The following LRFN5 variants were observed in gnomAD, a reference collection of about 807,000 sequenced individuals.
LRFN5 encodes the protein leucine-rich repeat and fibronectin type-III domain-containing protein 5.
LRFN5 carries 24 observed loss-of-function variants against 45.6 expected under a neutral mutation model. The ratio of observed to expected loss-of-function variants is 0.53; its 90% CI spans 0.38 to 0.74. The LOEUF (loss-of-function observed/expected upper bound fraction) is 0.74, where lower values mean the gene tolerates loss of function less well. LRFN5 is among the 30% of genes least tolerant of loss of function. The probability of loss-of-function intolerance (pLI) is 0.00; values close to 1 mark genes in which losing one functional copy is unlikely to be tolerated. For missense variants in LRFN5, 776 were observed against 861.5 expected, an observed-to-expected ratio of 0.90 and a Z score of 1.24; for synonymous variants, 340 against 313.8, an observed-to-expected ratio of 1.08 and a Z score of -0.88.
intron 1 of LRFN5, among the ~76,000 whole-genome samples, chr14:41,629,175 A>G (rs967625482): frequency 1.3e-5 from 2 of 152,218 alleles, no homozygotes; most frequent in Non-Finnish European, 2.9e-5. Context: ...TTTAGATCAT[A>G]TATACTGCTC....
intron 2 of LRFN5, among the ~76,000 whole-genome samples, chr14:41,872,042 CT>C (rs1890038218): frequency 6.6e-6 from 1 of 152,064 alleles, no homozygotes; most frequent in Non-Finnish European, 1.5e-5. Flanking sequence ...TCTCTCCTAT[CT>C]AAGTTACTAT....
At chr14:41,695,430 T>A (rs144887039) in intron 1 of LRFN5, among the ~76,000 whole-genome samples, 2 of 152,084 alleles carry the variant, frequency 1.3e-5, no homozygotes, top group East Asian at 3.9e-4. Flanking sequence ...TACCTTCTAT[T>A]GGAAAAAGAG....
chr14:41,834,777 C>T (rs112034411), intron 2 of LRFN5, among the ~76,000 whole-genome samples: 1,967 of 152,114 alleles, frequency 0.013, 25 homozygotes, highest in Non-Finnish European at 0.017. Flanking sequence ...ATCCTCCCAC[C>T]TCAGCCACCT....
intron 2 of LRFN5, among the ~76,000 whole-genome samples, chr14:41,767,354 G>T: frequency 6.6e-6 from 1 of 151,850 alleles, no homozygotes; most frequent in Non-Finnish European, 1.5e-5. Context: ...GTTTGCAAAT[G>T]AATAAAAAGG....
intron 2 of LRFN5, among the ~76,000 whole-genome samples, chr14:41,837,194 C>CAAAAAAAAA (rs5808157): frequency 4.0e-5 from 3 of 75,404 alleles, no homozygotes; most frequent in Non-Finnish European, 5.0e-5. Context: ...ACACACTCCA[C>CAAAAAAAAA]AAAAAAAAAA....
rs1054464566 is a variant in LRFN5, at chr14:41,891,822, C to G, written c.1958C>G (p.Thr653Arg). The change falls in exon 4 of 6, where the codon ACA (threonine) becomes AGA (arginine). Residue 653 changes from threonine to arginine, a missense_variant. Transcript: ENST00000298119. ...AGAAAGACTGGCACAAAGCCAAGTACAGAACCACAGAATGAAGCCGTCACA... is the reference window on the plus strand; with the variant it reads ...AGAAAGACTGGCACAAAGCCAAGTAGAGAACCACAGAATGAAGCCGTCACA... ...QKRKTGTKPS[T>R]EPQNEAVTNV... 1 of 1,614,022 alleles carries G rather than the reference C, an allele frequency of 6.2e-7. No individual in the cohort carries two copies. The highest frequency in any genetic ancestry group is 8.5e-7 in the Non-Finnish European group (1 of 1,180,038).
chr14:41,651,281 G>A (rs547036524), intron 1 of LRFN5, among the ~76,000 whole-genome samples: 17 of 152,118 alleles, frequency 1.1e-4, no homozygotes, highest in Middle Eastern at 3.4e-3. Context: ...AAAAATGCCC[G>A]GTCACTCAGC....
intron 1 of LRFN5, among the ~76,000 whole-genome samples, chr14:41,748,914 A>G (rs1222683351): frequency 6.6e-6 from 1 of 151,580 alleles, no homozygotes; most frequent in African/African-American, 2.4e-5. Flanking sequence ...ATATATATAT[A>G]TAAATTTATT....
intron 1 of LRFN5, among the ~76,000 whole-genome samples, chr14:41,738,250 A>G (rs1884532293): frequency 6.6e-6 from 1 of 152,198 alleles, no homozygotes; most frequent in Admixed American, 6.5e-5. Context: ...TGGAGAAATG[A>G]TTCCCTATAT....
chr14:41,902,913 G>C (rs1342252518), intron 5 of LRFN5, among the ~76,000 whole-genome samples: 3 of 151,462 alleles, frequency 2.0e-5, no homozygotes, highest in Non-Finnish European at 4.4e-5. Context: ...GAAGAATTTA[G>C]TAATATATAC....
rs112875360 is a variant in LRFN5 at position 41,711,929 on chromosome 14, T to A, written c.-196-54925T>A. Among the ~76,000 whole-genome samples, 1,061 of 152,308 alleles carry A rather than the reference T, an allele frequency of 7.0e-3. 19 individuals are homozygous for A. Among genetic ancestry groups the A allele is most frequent in the African/African-American group, 0.025 (1,024 of 41,580 alleles). ...GAATCAAAATGATGCTTAGGAATTG[T>A]ATACTATGAAAAATTGCCATGAGGA... On this transcript the variant is annotated intron_variant, in intron 1 of 5. Coordinates refer to ENST00000298119, the MANE Select transcript of LRFN5 (RefSeq NM_152447.5).
At chr14:41,784,659 C>T (rs918112158) in intron 2 of LRFN5, among the ~76,000 whole-genome samples, 3 of 151,810 alleles carry the variant, frequency 2.0e-5, no homozygotes, top group Admixed American at 6.6e-5. Context: ...GACAGAGTCT[C>T]GCTCTGTCAC....
chr14:41,753,451 G>A (rs1309494842), intron 1 of LRFN5, among the ~76,000 whole-genome samples: 4 of 152,012 alleles, frequency 2.6e-5, no homozygotes, highest in African/African-American at 4.8e-5. Flanking sequence ...TTGAGCAGTG[G>A]TTTGTAGTTC....
intron 1 of LRFN5, among the ~76,000 whole-genome samples, chr14:41,657,806 G>A (rs901283745): frequency 2.0e-5 from 3 of 151,788 alleles, no homozygotes; most frequent in Admixed American, 1.3e-4. Flanking sequence ...CTGTGGAATT[G>A]TTGGTGAACC....
intron 1 of LRFN5, among the ~76,000 whole-genome samples, chr14:41,716,059 A>C (rs937762658): frequency 6.6e-6 from 1 of 152,156 alleles, no homozygotes; most frequent in Non-Finnish European, 1.5e-5. Flanking sequence ...CTTGCACCCT[A>C]TGAAGCCACG....
chr14:41,873,549 C>T lies in LRFN5; in HGVS notation c.-20-13057C>T, dbSNP rs142885858. On this transcript the variant is annotated intron_variant, in intron 2 of 5. Transcript: ENST00000298119. ...ACTGCCGGAACTTTCCACCCACACA[C>T]ATTCTTGGTATTTATACCCTCAGTA... 3.7e-3 allele frequency among the ~76,000 whole-genome samples: 558 copies of T among 152,172 alleles called. 1 individual carries two copies. Among genetic ancestry groups the T allele is most frequent in the Non-Finnish European group, 6.5e-3 (444 of 67,986 alleles).
At chr14:41,862,541 A>G (rs1465824769) in intron 2 of LRFN5, among the ~76,000 whole-genome samples, 1 of 152,124 alleles carries the variant, frequency 6.6e-6, no homozygotes, top group African/African-American at 2.4e-5. Flanking sequence ...TTTAGTGCCT[A>G]TGAGCATGCA....
intron 2 of LRFN5, among the ~76,000 whole-genome samples, chr14:41,883,880 A>G (rs1466641935): frequency 6.6e-6 from 1 of 152,184 alleles, no homozygotes; most frequent in African/African-American, 2.4e-5. Flanking sequence ...ATTTCTGCCT[A>G]ACAGCATTCT....
intron 2 of LRFN5, among the ~76,000 whole-genome samples, chr14:41,810,808 C>G (rs185704640): frequency 1.1e-4 from 17 of 152,128 alleles, no homozygotes; most frequent in Non-Finnish European, 2.4e-4. Context: ...TTAATGCTGT[C>G]TTTTCTGTAC....
Sources: allele counts gnomAD v4.1 joint callset (sites outside exome capture counted in the v4.1 genomes callset), GRCh38; gene constraint gnomAD v4.1.1; transcripts MANE v1.5; gene names NCBI Gene and HGNC (gene_info 2026-07-23, HGNC 2026-07-21).